The following RAPH1 variants were observed in gnomAD, a reference collection of about 807,000 sequenced individuals.
RAPH1 encodes the protein Ras association (RalGDS/AF-6) and pleckstrin homology domains 1, also known as ras-associated and pleckstrin homology domains-containing protein 1.
In RAPH1, 18 loss-of-function variants were observed where a neutral mutation model predicts 88.1. That is an observed-to-expected ratio of 0.20 (90% confidence interval 0.14 to 0.30). The LOEUF is 0.30. Ranked by LOEUF, RAPH1 falls within the 10% of genes least tolerant of loss-of-function variation. The pLI is 1.00. For missense variants in RAPH1, 1,448 were observed against 1,543.2 expected, an observed-to-expected ratio of 0.94 and a Z score of 1.03; for synonymous variants, 587 against 559.0, an observed-to-expected ratio of 1.05 and a Z score of -0.71.
At chr2:203,509,090 T>A (rs910612453) in intron 1 of RAPH1, among the ~76,000 whole-genome samples, 3 of 110,590 alleles carry the variant, frequency 2.7e-5, no homozygotes, top group Non-Finnish European at 3.8e-5. Context: ...TTTTTTTTTT[T>A]AAGAGAGAGT....
Position 203,491,325 on chromosome 2 carries a change from T to G in RAPH1, c.121-6A>C. 6.3e-7 allele frequency: 1 copy of G among 1,585,748 alleles called. No individual in the cohort carries two copies. The highest frequency in any genetic ancestry group is 8.6e-7 in the Non-Finnish European group (1 of 1,162,178). ...GGCTTGTCAGAATCCAAACTCTTTATAAAAAGAAAGTTTAATAGTCATATT... is the reference window on the plus strand; with the variant it reads ...GGCTTGTCAGAATCCAAACTCTTTAGAAAAAGAAAGTTTAATAGTCATATT... On this transcript the variant is annotated splice_region_variant and splice_polypyrimidine_tract_variant and intron_variant, in intron 2 of 13. Coordinates refer to ENST00000319170, the MANE Select transcript of RAPH1 (RefSeq NM_213589.3).
intron 1 of RAPH1, among the ~76,000 whole-genome samples, chr2:203,517,923 A>C (rs1689689068): frequency 6.6e-6 from 1 of 152,180 alleles, no homozygotes; most frequent in African/African-American, 2.4e-5. Flanking sequence ...AGAGGACCTA[A>C]AATCAACAAT....
At chr2:203,491,963 G>A (rs1688286901) in intron 2 of RAPH1, among the ~76,000 whole-genome samples, 1 of 152,178 alleles carries the variant, frequency 6.6e-6, no homozygotes, top group Non-Finnish European at 1.5e-5. Context: ...AAATAGGTGT[G>A]ATGGCTCACT....
chr2:203,529,823 CTTGT>C (rs1362182401), intron 1 of RAPH1, among the ~76,000 whole-genome samples: 1 of 152,182 alleles, frequency 6.6e-6, no homozygotes, highest in Non-Finnish European at 1.5e-5. Flanking sequence ...GCTTCCTGAT[CTTGT>C]TTTTCTTCTC....
At chr2:203,520,702 T>TA (rs1314716148) in intron 1 of RAPH1, among the ~76,000 whole-genome samples, 1 of 151,232 alleles carries the variant, frequency 6.6e-6, no homozygotes, top group Non-Finnish European at 1.5e-5. Context: ...TAAAGAAGGT[T>TA]AAAAAAAAGA....
intron 1 of RAPH1, among the ~76,000 whole-genome samples, chr2:203,509,066 A>ATTTTTT (rs34628795): frequency 8.3e-6 from 1 of 120,502 alleles, no homozygotes; most frequent in East Asian, 2.3e-4. Flanking sequence ...TTAAAAAATA[A>ATTTTTT]TTTTTTTTTT....
chr2:203,435,276 A>G lies in RAPH1; in HGVS notation c.*4161T>C, dbSNP rs1317277685. 1 of 151,940 alleles carries G rather than the reference A, an allele frequency of 6.6e-6. No homozygotes were observed. Among genetic ancestry groups the G allele is most frequent in the Non-Finnish European group, 1.5e-5 (1 of 68,008 alleles). 9.4% of individuals were successfully genotyped at this position (151,940 alleles called of 1,614,324 possible). A position where few individuals can be genotyped will look rare whatever the true frequency, so the allele number is the denominator to read the frequency against. On this transcript the variant is annotated 3_prime_UTR_variant, in exon 14 of 14. Coordinates refer to ENST00000319170, the MANE Select transcript of RAPH1 (RefSeq NM_213589.3). ...CTGGGTACAGTGGCTCATGCCTGTA[A>G]TCTCAGCATTTTGGGAGGCTGAGGC...
intron 2 of RAPH1, among the ~76,000 whole-genome samples, chr2:203,492,939 C>G (rs1361572799): frequency 1.3e-5 from 2 of 152,104 alleles, no homozygotes; most frequent in African/African-American, 4.8e-5. Flanking sequence ...TGACCAACTA[C>G]CTAAAACTTA....
rs192420884 is a variant in RAPH1, at chr2:203,510,574, C to G, written c.1-15221G>C. The stretch of plus-strand genomic sequence containing the variant: ...GTCACTGAAACTACAAAAACAAACT[C>G]TCAAACCTGGGATGCAAACTCAAAT... On this transcript the variant is annotated intron_variant, in intron 1 of 13. Transcript: ENST00000319170. 7.6e-4 allele frequency among the ~76,000 whole-genome samples: 116 copies of G among 152,238 alleles called. 2 individuals are homozygous for G. Among genetic ancestry groups the G allele is most frequent in the Non-Finnish European group, 1.2e-3 (82 of 68,010 alleles).
chr2:203,492,768 T>C (rs1375023396), intron 2 of RAPH1, among the ~76,000 whole-genome samples: 2 of 121,916 alleles, frequency 1.6e-5, no homozygotes, highest in African/African-American at 3.1e-5. Context: ...GTGTTTATAA[T>C]GCTATCTTTT....
intron 3 of RAPH1, among the ~76,000 whole-genome samples, chr2:203,490,723 A>G (rs1319088151): frequency 6.6e-6 from 1 of 152,220 alleles, no homozygotes; most frequent in Non-Finnish European, 1.5e-5. Context: ...ATTTTCAATT[A>G]GTAATATTAA....
chr2:203,455,778 C>A (rs1030235561), intron 8 of RAPH1, among the ~76,000 whole-genome samples, 198 bp from the exon 9 acceptor site: 3 of 150,138 alleles, frequency 2.0e-5, no homozygotes, highest in Non-Finnish European at 4.4e-5. Context: ...CTTTGGGAAG[C>A]GGGTGGATCA....
rs2098522927 is a variant in RAPH1, at chr2:203,459,829, A to C, written c.1092+78T>G. 5 of 1,442,024 alleles carry C rather than the reference A, an allele frequency of 3.5e-6. No homozygotes were observed. The East Asian group carries it at 1.2e-4, about 33-fold the overall frequency. The allele number at this position is 1,442,024 out of a possible 1,614,324, so 89.3% of individuals were successfully genotyped here. On this transcript the variant is annotated intron_variant, in intron 7 of 13. Transcript: ENST00000319170. ...CCAACCAGGTGTTTACCAGTCTTTT[A>C]ACTCTAACTTAGCAGTAATCGAATA...
intron 4 of RAPH1, among the ~76,000 whole-genome samples, chr2:203,477,700 T>C (rs1660918679): frequency 6.6e-6 from 1 of 152,174 alleles, no homozygotes; most frequent in Non-Finnish European, 1.5e-5. Context: ...AGATGAATAA[T>C]GTGTTTTGTT....
In RAPH1 at chr2:203,447,940, T is replaced by C. The variant is rs1247035501; in HGVS notation, c.1633+19A>G. On this transcript the variant is annotated intron_variant, in intron 12 of 13. Transcript: ENST00000319170. Reference sequence around the variant, plus strand: ...TTCATATTAATCGCAAAATAGTGCTTTGAAGCATTTTGAACTACCTGGGAT... The same window carrying C: ...TTCATATTAATCGCAAAATAGTGCTCTGAAGCATTTTGAACTACCTGGGAT... 7 of 1,613,492 alleles carry C rather than the reference T, an allele frequency of 4.3e-6. No homozygotes were observed. The highest frequency in any genetic ancestry group is 2.2e-5 in the South Asian group (2 of 91,036).
At chr2:203,532,040 CT>C (rs1387280841) in intron 1 of RAPH1, among the ~76,000 whole-genome samples, 1 of 152,076 alleles carries the variant, frequency 6.6e-6, no homozygotes, top group Non-Finnish European at 1.5e-5. Flanking sequence ...ATTAATCAGT[CT>C]GAAAAAGGAA....
At chr2:203,467,527 A>G (rs1191593560) in intron 4 of RAPH1, among the ~76,000 whole-genome samples, 1 of 151,938 alleles carries the variant, frequency 6.6e-6, no homozygotes, top group Admixed American at 6.6e-5. Context: ...TGAACCTGGG[A>G]GGTGGAGGTT....
Position 203,439,364 on chromosome 2 carries a change from G to T in RAPH1, c.*73C>A. ...TCATACCAGGAGGCTCTGAACACCT[G>T]AATTCACAGATGATCAGGTGAGCTG... On this transcript the variant is annotated 3_prime_UTR_variant, in exon 14 of 14. Transcript: ENST00000319170. 3 of 1,455,230 alleles carry T rather than the reference G, an allele frequency of 2.1e-6. No individual in the cohort carries two copies. The highest frequency in any genetic ancestry group is 2.8e-6 in the Non-Finnish European group (3 of 1,056,308). The allele number at this position is 1,455,230 out of a possible 1,614,324, so 90.1% of individuals were successfully genotyped here.
intron 13 of RAPH1, chr2:203,442,255 A>C: frequency 1.8e-6 from 1 of 557,970 alleles, no homozygotes; most frequent in Non-Finnish European, 3.1e-6. Context: ...GGTAGCTGAA[A>C]TGATCACATC....
Sources: gnomAD v4.1 joint callset for allele counts (sites outside exome capture counted in the v4.1 genomes callset) on GRCh38, gnomAD v4.1.1 for gene constraint, MANE v1.5 for transcripts, NCBI Gene and HGNC (gene_info 2026-07-23, HGNC 2026-07-21) for gene names.